Variants in SLC23A2 observed in about 807,000 individuals in gnomAD.
SLC23A2 encodes Na(+)/L-ascorbic acid transporter 2.
Under a neutral mutation model 73.3 loss-of-function variants are expected in SLC23A2, and 36 were observed. The observed-to-expected ratio is 0.49, with a 90% CI of 0.38 to 0.65. The LOEUF (loss-of-function observed/expected upper bound fraction) is 0.65, where lower values mean the gene tolerates loss of function less well. Among genes scored for constraint, SLC23A2 ranks in the 30% least tolerant of loss-of-function variants. The pLI is 0.00. For synonymous variants in SLC23A2, 343 were observed against 327.3 expected (o/e 1.05, Z -0.52); for missense variants, 507 against 841.6 (o/e 0.60, Z 4.92).
intron 6 of SLC23A2, among the ~76,000 whole-genome samples, chr20:4,890,489 C>T (rs1203150747): frequency 6.6e-6 from 1 of 152,048 alleles, no homozygotes; most frequent in African/African-American, 2.4e-5. Flanking sequence ...CCCATCTCTA[C>T]TAAAAACACA....
At chr20:4,991,002 C>CATACAAACTGCAA (rs1311709217) in intron 1 of SLC23A2, among the ~76,000 whole-genome samples, 5 of 150,030 alleles carry the variant, frequency 3.3e-5, no homozygotes, top group Non-Finnish European at 4.4e-5. Context: ...CAACCCACAG[C>CATACAAACTGCAA]ATACAAACTG....
rs563113154 is a variant in SLC23A2 at position 4,932,693 on chromosome 20, C to T, written c.-131G>A. 5 of 634,606 alleles carry T rather than the reference C, an allele frequency of 7.9e-6. No individual in the cohort carries two copies. The highest frequency in any genetic ancestry group is 2.7e-5 in the East Asian group (1 of 36,966). 39.3% of individuals were successfully genotyped at this position (634,606 alleles called of 1,614,324 possible). A position where few individuals can be genotyped will look rare whatever the true frequency, so the allele number is the denominator to read the frequency against. On this transcript the variant is annotated 5_prime_UTR_variant, in exon 3 of 17. Coordinates refer to ENST00000338244, the MANE Select transcript of SLC23A2 (RefSeq NM_005116.6). ...CCCCGATTCTCAAGCAGAGATGAGGCCTGCAAACGGCATCTCTTAGCACCT... is the reference window on the plus strand; with the variant it reads ...CCCCGATTCTCAAGCAGAGATGAGGTCTGCAAACGGCATCTCTTAGCACCT...
intron 1 of SLC23A2, among the ~76,000 whole-genome samples, chr20:4,982,863 T>A (rs2087748087): frequency 6.6e-6 from 1 of 151,960 alleles, no homozygotes; most frequent in Non-Finnish European, 1.5e-5. Context: ...CCCAGCACTT[T>A]GGGAGGCCGA....
At position 4,862,730 on chromosome 20, in the gene SLC23A2, T is replaced by A; in HGVS notation, c.1486+48A>T. 6.4e-7 allele frequency: 1 copy of A among 1,568,110 alleles called. No individual in the cohort carries two copies. Among genetic ancestry groups the A allele is most frequent in the Non-Finnish European group, 8.7e-7 (1 of 1,147,066 alleles). The stretch of plus-strand genomic sequence containing the variant: ...GTCAGCAAAAACACCATGACCCCTA[T>A]TAAAAATTTGGAAAAGTAAAGGAAA... On this transcript the variant is annotated intron_variant, in intron 14 of 16. Transcript: ENST00000338244. The surrounding 1 kb of genome is among the most constrained non-coding windows in gnomAD (Gnocchi z 5.1).
intron 1 of SLC23A2, among the ~76,000 whole-genome samples, chr20:4,983,058 T>C (rs1022876073): frequency 2.0e-5 from 3 of 151,630 alleles, no homozygotes; most frequent in African/African-American, 7.3e-5. Context: ...TGAGTCAAAA[T>C]CGCGCCATTG....
intron 2 of SLC23A2, among the ~76,000 whole-genome samples, chr20:4,948,906 C>T (rs1309334849): frequency 1.3e-5 from 2 of 152,192 alleles, no homozygotes; most frequent in African/African-American, 4.8e-5. Context: ...CTATAAGACA[C>T]TCTAGCTCTC....
chr20:4,898,663 G>A (rs1240738953), intron 6 of SLC23A2, among the ~76,000 whole-genome samples: 2 of 152,244 alleles, frequency 1.3e-5, no homozygotes, highest in African/African-American at 4.8e-5. Flanking sequence ...AAGCTTGCAG[G>A]AGGAGGTAGG....
intron 2 of SLC23A2, among the ~76,000 whole-genome samples, chr20:4,966,833 C>CACACACAT (rs1449840747): frequency 2.7e-5 from 4 of 146,804 alleles, no homozygotes; most frequent in Non-Finnish European, 6.0e-5. Flanking sequence ...CACACACACA[C>CACACACAT]ACACACACAC....
In SLC23A2 at chr20:5,000,973, C is replaced by G. The variant is rs913439007; in HGVS notation, c.-282+433G>C. 2.0e-5 allele frequency among the ~76,000 whole-genome samples: 3 copies of G among 152,140 alleles called. No homozygotes were observed. In the East Asian group the frequency reaches 5.8e-4, roughly 29 times the overall value. On this transcript the variant is annotated intron_variant, in intron 1 of 16. Coordinates refer to ENST00000338244, the MANE Select transcript of SLC23A2 (RefSeq NM_005116.6). ...TCCAGGGGGCGAGACGATGCCCGTG[C>G]GCACCACCGGGGGAGGGGCGAGGGA...
intron 1 of SLC23A2, among the ~76,000 whole-genome samples, chr20:4,982,115 C>T (rs371223389): frequency 1.3e-5 from 2 of 152,088 alleles, no homozygotes; most frequent in African/African-American, 4.8e-5. Context: ...CTGTCTCAGA[C>T]TCCCCAGTAG....
upstream of SLC23A2, among the ~76,000 whole-genome samples, chr20:5,005,636 T>G (rs2088182107): frequency 6.6e-6 from 1 of 152,094 alleles, no homozygotes; most frequent in African/African-American, 2.4e-5. Context: ...ATAATAAATG[T>G]TTTAGGTTTT....
At chr20:4,858,379 T>C (rs1286354220) in intron 16 of SLC23A2, among the ~76,000 whole-genome samples, 1 of 152,228 alleles carries the variant, frequency 6.6e-6, no homozygotes, top group East Asian at 1.9e-4. Flanking sequence ...TTAATTTCCA[T>C]CAGCCTGACT....
chr20:4,958,204 G>A (rs1487156051), intron 2 of SLC23A2, among the ~76,000 whole-genome samples: 2 of 152,224 alleles, frequency 1.3e-5, no homozygotes, highest in Non-Finnish European at 2.9e-5. Flanking sequence ...GCCCCTCACT[G>A]GAGACCATGC....
At chr20:4,946,985 T>C (rs1021377864) in intron 2 of SLC23A2, among the ~76,000 whole-genome samples, 4 of 152,176 alleles carry the variant, frequency 2.6e-5, no homozygotes, top group Non-Finnish European at 5.9e-5. Context: ...TAAATAAAAT[T>C]ATAACAAGAC....
chr20:4,987,575 G>A (rs556495196), intron 1 of SLC23A2, among the ~76,000 whole-genome samples: 46 of 152,300 alleles, frequency 3.0e-4, no homozygotes, highest in Non-Finnish European at 6.2e-4. Context: ...GTGGCCGGGC[G>A]CGGTGGCTCA....
chr20:4,945,763 G>A (rs2087111118), intron 2 of SLC23A2, among the ~76,000 whole-genome samples: 1 of 152,138 alleles, frequency 6.6e-6, no homozygotes, highest in Non-Finnish European at 1.5e-5. Flanking sequence ...CTGTGGGTCA[G>A]GGGAAAAGAG....
At chr20:4,906,833 A>G (rs76492765) in intron 4 of SLC23A2, among the ~76,000 whole-genome samples, 3,140 of 152,270 alleles carry the variant, frequency 0.021, 113 homozygotes, top group African/African-American at 0.07. Context: ...AAAGAGATTA[A>G]TATTTTTTTT....
At chr20:4,919,927 A>G (rs1932447223) in intron 3 of SLC23A2, among the ~76,000 whole-genome samples, 1 of 152,220 alleles carries the variant, frequency 6.6e-6, no homozygotes, top group Non-Finnish European at 1.5e-5. Flanking sequence ...TGAACAGTAA[A>G]AAGATGCTCA....
chr20:4,862,949 C>T lies in SLC23A2; in HGVS notation c.1357-42G>A, dbSNP rs1450081059. 2 of 1,584,614 alleles carry T rather than the reference C, an allele frequency of 1.3e-6. No individual in the cohort carries two copies. Among genetic ancestry groups the T allele is most frequent in the Admixed American group, 3.4e-5 (2 of 58,696 alleles). ...AGACTGGGAAACAGGGACTCATCTC[C>T]ATGCAAAATCACCGTAAGTTACTAA... On this transcript the variant is annotated intron_variant, in intron 13 of 16. Transcript: ENST00000338244. This position sits in a 1 kb window ranked among gnomAD's most constrained non-coding sequence, Gnocchi z 5.1.
Sources: gnomAD v4.1 joint callset for allele counts (sites outside exome capture counted in the v4.1 genomes callset) on GRCh38, gnomAD v4.1.1 for gene constraint, Gnocchi (gnomAD v3.1) non-coding constraint, MANE v1.5 for transcripts, NCBI Gene and HGNC (gene_info 2026-07-23, HGNC 2026-07-21) for gene names.